Variants in CDH18 observed in about 807,000 individuals in gnomAD.
CDH18 encodes the protein cadherin-18.
CDH18 carries 31 observed loss-of-function variants against 67.9 expected under a neutral mutation model. That is an observed-to-expected ratio of 0.46 (90% CI 0.34 to 0.62). CDH18 has a LOEUF of 0.62. CDH18 is among the 20% of genes least tolerant of loss of function. CDH18 has a pLI of 0.01. For synonymous variants in CDH18, 362 were observed against 347.2 expected (o/e 1.04, Z -0.48); for missense variants, 890 against 975.5 (o/e 0.91, Z 1.17).
chr5:20,398,858 ACGGCACACG>A, intron 1 of CDH18, among the ~76,000 whole-genome samples: 2 of 149,176 alleles, frequency 1.3e-5, no homozygotes, highest in Non-Finnish European at 3.0e-5. Flanking sequence ...GAAAACCACC[ACGGCACACG>A]TATACCTACG....
At chr5:19,487,081 C>T (rs1252207412) in intron 11 of CDH18, among the ~76,000 whole-genome samples, 1 of 151,922 alleles carries the variant, frequency 6.6e-6, no homozygotes, top group African/African-American at 2.4e-5. Flanking sequence ...TTTGTATAGC[C>T]AGAACAAAGA....
chr5:20,407,818 A>T (rs1008592909), intron 1 of CDH18, among the ~76,000 whole-genome samples: 2 of 151,996 alleles, frequency 1.3e-5, no homozygotes, highest in Admixed American at 1.3e-4. Flanking sequence ...AGAAAAAGAG[A>T]GGAAAGGACA....
chr5:20,107,640 G>A (rs1348007109), intron 2 of CDH18, among the ~76,000 whole-genome samples: 1 of 152,230 alleles, frequency 6.6e-6, no homozygotes, highest in African/African-American at 2.4e-5. Flanking sequence ...ACAAGCAGTT[G>A]GCAAGGTTGC....
At chr5:20,144,382 C>T (rs1750481781) in intron 2 of CDH18, among the ~76,000 whole-genome samples, 1 of 152,138 alleles carries the variant, frequency 6.6e-6, no homozygotes, top group Non-Finnish European at 1.5e-5. Context: ...GGATAGGCAA[C>T]TCTTACTTTT....
chr5:20,339,022 A>G (rs533005824), intron 1 of CDH18, among the ~76,000 whole-genome samples: 1 of 152,304 alleles, frequency 6.6e-6, no homozygotes, highest in Non-Finnish European at 1.5e-5. Flanking sequence ...TGAGGGAAAA[A>G]GAAGACAGAG....
chr5:20,355,986 A>G (rs1279162698), intron 1 of CDH18, among the ~76,000 whole-genome samples: 1 of 152,248 alleles, frequency 6.6e-6, no homozygotes, highest in African/African-American at 2.4e-5. Flanking sequence ...TAAATACAAA[A>G]TATACTTTAT....
At chr5:19,922,411 A>G (rs1257345163) in intron 2 of CDH18, among the ~76,000 whole-genome samples, 1 of 152,222 alleles carries the variant, frequency 6.6e-6, no homozygotes, top group African/African-American at 2.4e-5. Flanking sequence ...ATATAGGAGC[A>G]TGAAACTTAT....
intron 2 of CDH18, among the ~76,000 whole-genome samples, chr5:19,947,884 A>T (rs1579743914): frequency 6.6e-6 from 1 of 152,312 alleles, no homozygotes. Context: ...CACATCAAAC[A>T]AAAGGGTTTT....
At chr5:19,560,943 C>T (rs1739344321) in intron 8 of CDH18, among the ~76,000 whole-genome samples, 1 of 152,086 alleles carries the variant, frequency 6.6e-6, no homozygotes, top group African/African-American at 2.4e-5. Context: ...AACTGCAAAT[C>T]AAAATCACAA....
chr5:20,308,473 G>A (rs1313094959), intron 1 of CDH18, among the ~76,000 whole-genome samples: 1 of 151,822 alleles, frequency 6.6e-6, no homozygotes, highest in Non-Finnish European at 1.5e-5. Flanking sequence ...AACCCGGGAG[G>A]GGGAGGTTGC....
chr5:19,932,286 T>C (rs1308346630), intron 2 of CDH18, among the ~76,000 whole-genome samples: 2 of 151,962 alleles, frequency 1.3e-5, no homozygotes, highest in South Asian at 2.1e-4. Context: ...GGATGTTTTA[T>C]ACTCATGTGC....
intron 1 of CDH18, among the ~76,000 whole-genome samples, chr5:20,561,665 A>G (rs1758225840): frequency 6.6e-6 from 1 of 152,044 alleles, no homozygotes; most frequent in Admixed American, 6.6e-5. Context: ...TGATTCTATA[A>G]TAGTGAATAC....
chr5:19,935,940 G>T (rs530267923), intron 2 of CDH18, among the ~76,000 whole-genome samples: 1 of 149,102 alleles, frequency 6.7e-6, no homozygotes, highest in African/African-American at 2.5e-5. Flanking sequence ...TAGTACTGTT[G>T]TTCCAGACTG....
chr5:19,558,709 T>C (rs1311289490), intron 8 of CDH18, among the ~76,000 whole-genome samples: 1 of 151,952 alleles, frequency 6.6e-6, no homozygotes, highest in Non-Finnish European at 1.5e-5. Flanking sequence ...GGCTGAATTA[T>C]ATTAGACATT....
intron 10 of CDH18, among the ~76,000 whole-genome samples, chr5:19,508,161 G>C (rs989224571): frequency 1.1e-4 from 16 of 151,410 alleles, no homozygotes; most frequent in Non-Finnish European, 1.8e-4. Flanking sequence ...CAATATTTCT[G>C]TTTTACAAAT....
intron 1 of CDH18, among the ~76,000 whole-genome samples, chr5:20,545,587 C>T (rs1028001556): frequency 2.0e-5 from 3 of 152,212 alleles, no homozygotes; most frequent in Non-Finnish European, 4.4e-5. Context: ...TACGTTGGCA[C>T]CCTTTAGCCA....
At chr5:20,367,384 A>G (rs1742607733) in intron 1 of CDH18, among the ~76,000 whole-genome samples, 1 of 152,010 alleles carries the variant, frequency 6.6e-6, no homozygotes, top group Admixed American at 6.6e-5. Context: ...CAAAGCAAAC[A>G]CTTTCGCTGG....
At chr5:19,646,118 T>G (rs1480446244) in intron 5 of CDH18, among the ~76,000 whole-genome samples, 1 of 152,002 alleles carries the variant, frequency 6.6e-6, no homozygotes, top group East Asian at 1.9e-4. Flanking sequence ...TATAATATGT[T>G]GAAGGAAAAG....
chr5:20,423,946 CAAAAAAAAAAAA>C (rs553723574), intron 1 of CDH18, among the ~76,000 whole-genome samples: 2 of 63,826 alleles, frequency 3.1e-5, no homozygotes, highest in Middle Eastern at 0.013. Context: ...GACTCCGTCT[CAAAAAAAAAAAA>C]AAAAAAAAAA....
Sources: gnomAD v4.1 joint callset for allele counts (sites outside exome capture counted in the v4.1 genomes callset) on GRCh38, gnomAD v4.1.1 for gene constraint, MANE v1.5 for transcripts, NCBI Gene and HGNC (gene_info 2026-07-23, HGNC 2026-07-21) for gene names.